Variants in PIGU observed in about 807,000 individuals in gnomAD.
PIGU encodes GPI-anchor transamidase component PIGU.
PIGU carries 24 observed loss-of-function variants against 49.9 expected under a neutral mutation model. The observed-to-expected ratio is 0.48, with a 90% CI of 0.35 to 0.68. The LOEUF (loss-of-function observed/expected upper bound fraction) is 0.68, where lower values mean the gene tolerates loss of function less well. PIGU is among the 30% of genes least tolerant of loss of function. The pLI, the probability that PIGU is intolerant of heterozygous loss-of-function variation, is 0.01. For synonymous variants in PIGU, 220 were observed against 205.7 expected (o/e 1.07, Z -0.59); for missense variants, 490 against 532.6 (o/e 0.92, Z 0.79).
At chr20:34,590,841 T>C (rs1983943342) in intron 7 of PIGU, among the ~76,000 whole-genome samples, 1 of 151,686 alleles carries the variant, frequency 6.6e-6, no homozygotes, top group African/African-American at 2.4e-5. Context: ...GCTAACATGG[T>C]GAAACCCCGT....
intron 9 of PIGU, among the ~76,000 whole-genome samples, chr20:34,584,033 G>A (rs182901085): frequency 1.3e-5 from 2 of 152,256 alleles, no homozygotes; most frequent in East Asian, 1.9e-4. Flanking sequence ...CATTTCCGGA[G>A]GCTACTAAAA....
At chr20:34,665,201 T>C (rs1353604551) in intron 1 of PIGU, among the ~76,000 whole-genome samples, 1 of 107,470 alleles carries the variant, frequency 9.3e-6, no homozygotes, top group Non-Finnish European at 1.9e-5. Context: ...AATTTTTTTT[T>C]TTTTTTTTTT....
At position 34,654,989 on chromosome 20, in the gene PIGU, A is replaced by G. The variant is rs185481347; in HGVS notation, c.195+2191T>C. 2.0e-3 allele frequency among the ~76,000 whole-genome samples: 173 copies of G among 85,348 alleles called. 40 individuals are homozygous for G. The Middle Eastern group carries it at 0.024, about 12-fold the overall frequency. 56.0% of individuals were successfully genotyped at this position (85,348 alleles called of 152,430 possible). ...CATTGCACTCCATCCTGGGCGACAG[A>G]GCGAGACTCTGTCTCAAAAAAAAAA... On this transcript the variant is annotated intron_variant, in intron 2 of 11. Transcript: ENST00000217446.
chr20:34,639,426 T>G (rs1986078342), intron 4 of PIGU, among the ~76,000 whole-genome samples: 1 of 151,988 alleles, frequency 6.6e-6, no homozygotes. Flanking sequence ...TAATACTATG[T>G]GTTATTTAGT....
intron 2 of PIGU, among the ~76,000 whole-genome samples, chr20:34,653,730 C>T (rs1209461333): frequency 6.6e-6 from 1 of 152,116 alleles, no homozygotes; most frequent in African/African-American, 2.4e-5. Context: ...AAGAAGGGGA[C>T]AGCACCTGTT....
At chr20:34,623,096 G>A (rs1482838657) in intron 6 of PIGU, among the ~76,000 whole-genome samples, 1 of 152,120 alleles carries the variant, frequency 6.6e-6, no homozygotes, top group Admixed American at 6.6e-5. Context: ...ATGGGGACTG[G>A]TTCAGGACAG....
At chr20:34,634,094 T>G (rs149123121) in intron 6 of PIGU, among the ~76,000 whole-genome samples, 4 of 152,072 alleles carry the variant, frequency 2.6e-5, no homozygotes, top group Admixed American at 2.6e-4. Context: ...TTTTAAGAGA[T>G]AAGGTCTTAC....
At chr20:34,601,547 G>A (rs908307270) in intron 7 of PIGU, among the ~76,000 whole-genome samples, 3 of 152,090 alleles carry the variant, frequency 2.0e-5, no homozygotes, top group Non-Finnish European at 4.4e-5. Flanking sequence ...CATGTCCAAC[G>A]AAATCAGGGC....
intron 7 of PIGU, among the ~76,000 whole-genome samples, chr20:34,600,088 G>T (rs187834111): frequency 6.6e-4 from 101 of 152,256 alleles, no homozygotes; most frequent in South Asian, 1.9e-3. Flanking sequence ...AAAGTTTCAA[G>T]AGAATGATAA....
intron 6 of PIGU, 104 bp downstream of exon 6, chr20:34,634,511 A>T: frequency 7.2e-7 from 1 of 1,391,934 alleles, no homozygotes; most frequent in Non-Finnish European, 9.4e-7. Flanking sequence ...AAATGTTTTT[A>T]AGTGTTGCAT....
chr20:34,592,106 G>A (rs926945178), intron 7 of PIGU, among the ~76,000 whole-genome samples: 9 of 151,418 alleles, frequency 5.9e-5, no homozygotes, highest in Admixed American at 2.6e-4. Flanking sequence ...GGAGAATGGC[G>A]TGAACCTGGG....
intron 10 of PIGU, among the ~76,000 whole-genome samples, chr20:34,579,608 A>G (rs1018785836): frequency 1.3e-5 from 2 of 152,204 alleles, no homozygotes; most frequent in Non-Finnish European, 2.9e-5. Context: ...AGGTTCTCCA[A>G]GCACGTGTAC....
chr20:34,573,280 T>C (rs1983088957), intron 11 of PIGU, among the ~76,000 whole-genome samples: 2 of 151,994 alleles, frequency 1.3e-5, no homozygotes, highest in South Asian at 4.2e-4. Flanking sequence ...ATGCCAAGAG[T>C]CCAGCTGGTT....
intron 7 of PIGU, among the ~76,000 whole-genome samples, chr20:34,610,288 G>C (rs541887573): frequency 1.3e-5 from 2 of 152,230 alleles, no homozygotes; most frequent in South Asian, 4.1e-4. Context: ...GATGACATGA[G>C]TGTATATTTA....
intron 1 of PIGU, among the ~76,000 whole-genome samples, chr20:34,676,736 C>A (rs1246189580): frequency 6.6e-6 from 1 of 152,218 alleles, no homozygotes; most frequent in Non-Finnish European, 1.5e-5. Flanking sequence ...GTCCGGCCCC[C>A]AGGGCCCAAA....
intron 11 of PIGU, among the ~76,000 whole-genome samples, chr20:34,561,348 T>C (rs908635104): frequency 5.3e-5 from 8 of 152,076 alleles, no homozygotes; most frequent in Non-Finnish European, 1.2e-4. Context: ...TCAAATACAC[T>C]TCTCCCACTC....
At chr20:34,651,069 G>C (rs1986528680) in intron 2 of PIGU, among the ~76,000 whole-genome samples, 1 of 152,084 alleles carries the variant, frequency 6.6e-6, no homozygotes, top group African/African-American at 2.4e-5. Flanking sequence ...AACTACAGCA[G>C]CTTGGATGAA....
In PIGU at chr20:34,632,434, T is replaced by A. The variant is rs554488294; in HGVS notation, c.529+2181A>T. Among the ~76,000 whole-genome samples the A allele has an allele frequency of 2.2e-3, 330 of 151,390 alleles. 1 individual carries two copies. The highest frequency in any genetic ancestry group is 7.5e-3 in the African/African-American group (310 of 41,230). On this transcript the variant is annotated intron_variant, in intron 6 of 11. Coordinates refer to ENST00000217446, the MANE Select transcript of PIGU (RefSeq NM_080476.5). ...CCCATGCTGGAGTGCAGTGGCACAA[T>A]CTTGGCTCACTGCAACCTCTGCCTC...
intron 8 of PIGU, among the ~76,000 whole-genome samples, chr20:34,587,815 T>A (rs1163925693): frequency 3.3e-5 from 5 of 152,256 alleles, no homozygotes; most frequent in African/African-American, 9.6e-5. Context: ...ACTACTGTCA[T>A]AAATGACAGA....
Sources: gnomAD v4.1 joint callset for allele counts (sites outside exome capture counted in the v4.1 genomes callset) on GRCh38, gnomAD v4.1.1 for gene constraint, MANE v1.5 for transcripts, NCBI Gene and HGNC (gene_info 2026-07-23, HGNC 2026-07-21) for gene names.